HBEGF: variants seen among roughly 807,000 people sequenced by gnomAD.
HBEGF encodes the protein proheparin-binding EGF-like growth factor.
Under a neutral mutation model 19.5 loss-of-function variants are expected in HBEGF, and 8 were observed. The observed-to-expected ratio is 0.41, with a 90% CI of 0.24 to 0.74. The LOEUF (loss-of-function observed/expected upper bound fraction) is 0.74. Ranked by LOEUF, HBEGF falls within the 30% of genes least tolerant of loss-of-function variation. The pLI is 0.32. For missense variants in HBEGF, 207 were observed against 256.9 expected (o/e 0.81, Z 1.33); for synonymous variants, 97 against 108.9 (o/e 0.89, Z 0.68).
chr5:140,337,918 G>C (rs1561540078), intron 3 of HBEGF, among the ~76,000 whole-genome samples: 1 of 152,192 alleles, frequency 6.6e-6, no homozygotes, highest in Non-Finnish European at 1.5e-5. Context: ...TTATCTACTA[G>C]CTCAACTGAG....
chr5:140,334,109 T>C lies in HBEGF; in HGVS notation c.*190A>G, dbSNP rs1766193129. 1 of 153,568 alleles carries C rather than the reference T, an allele frequency of 6.5e-6. No homozygotes were observed. Among genetic ancestry groups the C allele is most frequent in the African/African-American group, 2.4e-5 (1 of 41,458 alleles). The allele number at this position is 153,568 out of a possible 1,614,324, so 9.5% of individuals were successfully genotyped here. A position where few individuals can be genotyped will look rare whatever the true frequency, so the allele number is the denominator to read the frequency against. On this transcript the variant is annotated 3_prime_UTR_variant, in exon 6 of 6. Transcript: ENST00000230990. ...CTTCTTACCCAGATACCATCGGACA[T>C]ACTCTGTTTGGCACTTGAAGGCTCT...
At chr5:140,336,129 C>T in intron 3 of HBEGF, 102 bp from the exon 4 acceptor site, 1 of 1,177,052 alleles carries the variant, frequency 8.5e-7, no homozygotes, top group Non-Finnish European at 1.2e-6. Flanking sequence ...TACCCTCAGC[C>T]TGTCAATCCC....
intron 3 of HBEGF, among the ~76,000 whole-genome samples, chr5:140,341,185 T>C (rs1766306179): frequency 6.6e-6 from 1 of 152,198 alleles, no homozygotes; most frequent in African/African-American, 2.4e-5. Context: ...TCAGGTTCTC[T>C]GGGTTTAGGT....
At chr5:140,338,687 G>A (rs1345268603) in intron 3 of HBEGF, among the ~76,000 whole-genome samples, 3 of 152,148 alleles carry the variant, frequency 2.0e-5, no homozygotes, top group African/African-American at 7.2e-5. Flanking sequence ...AGAGAAGGAG[G>A]GGGGATGAGT....
At position 140,346,077 on chromosome 5, in the gene HBEGF, C is replaced by G. The variant is rs1428397712; in HGVS notation, c.54G>C (p.Ser18=). ...CCAGGCTCTCGCCAGTCACCAGTGC[C>G]GAGAGAACTGCGGGCGAGAGGCCAG... ...VLKLFLAAVL[S]ALVTGESLER... is the part of the protein sequence containing the mutation. The change falls in exon 2 of 6, where the codon TCG becomes TCC. Residue 18 remains serine (S), a synonymous_variant. Coordinates refer to ENST00000230990, the MANE Select transcript of HBEGF (RefSeq NM_001945.3). The surrounding 1 kb of genome is among the most constrained non-coding windows in gnomAD (Gnocchi z 6.1). 1 of 1,612,034 alleles carries G rather than the reference C, an allele frequency of 6.2e-7. No individual in the cohort carries two copies. The highest frequency in any genetic ancestry group is 8.5e-7 in the Non-Finnish European group (1 of 1,178,924).
chr5:140,346,021 G>A lies in HBEGF; in HGVS notation c.110C>T (p.Thr37Ile). The change falls in exon 2 of 6, where the codon ACC (threonine) becomes ATC (isoleucine). Residue 37 changes from threonine to isoleucine, a missense_variant. Physicochemically the swap from Thr to Ile is moderately conservative, Grantham distance 89 (BLOSUM62 -1). This residue lies in a region of HBEGF where 127 missense variants were observed against 132.7 expected (regional missense o/e 0.96). Transcript: ENST00000230990. This position sits in a 1 kb window ranked among gnomAD's most constrained non-coding sequence, Gnocchi z 6.1. ...ERLRRGLAAGTSNPDPPTVST... is the reference protein window; with the variant it reads ...ERLRRGLAAGISNPDPPTVST... ...TACAGTGGGAGGGTCCGGGTTGCTG[G>A]TTCCAGCAGCTAGCCCTCTCCGAAG... is the stretch of plus-strand genomic sequence containing the variant. 1 of 1,614,106 alleles carries A rather than the reference G, an allele frequency of 6.2e-7. No individual in the cohort carries two copies.
intron 2 of HBEGF, among the ~76,000 whole-genome samples, chr5:140,345,297 A>G (rs1766378476): frequency 6.6e-6 from 1 of 152,170 alleles, no homozygotes; most frequent in Non-Finnish European, 1.5e-5. Flanking sequence ...CTCCTCAGGA[A>G]TGCAAGGTGC....
intron 3 of HBEGF, among the ~76,000 whole-genome samples, chr5:140,340,881 T>G (rs981588853): frequency 1.3e-5 from 2 of 152,346 alleles, no homozygotes; most frequent in South Asian, 4.1e-4. Flanking sequence ...TTCCAACTAC[T>G]TATTTAGCTA....
intron 4 of HBEGF, 132 bp from the exon 5 acceptor site, chr5:140,334,880 C>G (rs1766204033): frequency 1.3e-6 from 1 of 744,574 alleles, no homozygotes; most frequent in Non-Finnish European, 2.4e-6. Flanking sequence ...GTAGGGCAGC[C>G]CAAACTCTGG....
rs760234282 is a variant in HBEGF, at chr5:140,346,214, C to T, written c.46+69G>A. ...GCCCGTGCCGGGTGCGCTGCGGCGA[C>T]CTTCCCCCATGCCCCCAGCACAACG... On this transcript the variant is annotated intron_variant, in intron 1 of 5. Coordinates refer to ENST00000230990, the MANE Select transcript of HBEGF (RefSeq NM_001945.3). This position sits in a 1 kb window ranked among gnomAD's most constrained non-coding sequence, Gnocchi z 6.1. The T allele has an allele frequency of 1.3e-3, 2,030 of 1,560,470 alleles. 4 individuals carry two copies. Among genetic ancestry groups the T allele is most frequent in the Non-Finnish European group, 1.7e-3 (1,941 of 1,153,638 alleles).
chr5:140,335,557 C>A (rs1001543163), intron 4 of HBEGF, among the ~76,000 whole-genome samples: 1 of 152,028 alleles, frequency 6.6e-6, no homozygotes, highest in Admixed American at 6.6e-5. Flanking sequence ...CATACTAATG[C>A]CATCAAAGAA....
At position 140,342,821 on chromosome 5, in the gene HBEGF, G is replaced by C. The variant is rs574268332; in HGVS notation, c.221-9C>G. On this transcript the variant is annotated splice_polypyrimidine_tract_variant and intron_variant, in intron 2 of 5. Coordinates refer to ENST00000230990, the MANE Select transcript of HBEGF (RefSeq NM_001945.3). Reference sequence around the variant, plus strand: ...CTTGGAGGATAAAGTGACTGTAGGAGAAAAGCACTCTGTTAAAGTCTGACT... The same window carrying C: ...CTTGGAGGATAAAGTGACTGTAGGACAAAAGCACTCTGTTAAAGTCTGACT... 1 of 1,614,028 alleles carries C rather than the reference G, an allele frequency of 6.2e-7. No homozygotes were observed. The highest frequency in any genetic ancestry group is 1.3e-5 in the African/African-American group (1 of 75,044).
chr5:140,346,008 G>C lies in HBEGF; in HGVS notation c.123C>G (p.Asp41Glu). The part of the protein sequence containing the change: ...RGLAAGTSNP[D>E]PPTVSTDQLL... The stretch of plus-strand genomic sequence containing the variant: ...GCTGGTCCGTGGATACAGTGGGAGG[G>C]TCCGGGTTGCTGGTTCCAGCAGCTA... The change falls in exon 2 of 6, where the codon GAC becomes GAG. Residue 41 changes from aspartate to glutamate, a missense_variant. Transcript: ENST00000230990. This position sits in a 1 kb window ranked among gnomAD's most constrained non-coding sequence, Gnocchi z 6.1. 6.2e-7 allele frequency: 1 copy of C among 1,614,156 alleles called. No homozygotes were observed. Among genetic ancestry groups the C allele is most frequent in the Non-Finnish European group, 8.5e-7 (1 of 1,180,012 alleles).
At chr5:140,340,626 C>A (rs58992612) in intron 3 of HBEGF, among the ~76,000 whole-genome samples, 45,316 of 137,098 alleles carry the variant, frequency 0.33, 7,481 homozygotes, top group African/African-American at 0.43. Context: ...AAGAAAAGAA[C>A]AAAGAAAAAG....
Position 140,346,438 on chromosome 5 carries a change from C to A in HBEGF, c.-110G>T. 1 of 1,202,138 alleles carries A rather than the reference C, an allele frequency of 8.3e-7. No individual in the cohort carries two copies. 74.5% of individuals were successfully genotyped at this position (1,202,138 alleles called of 1,614,324 possible). A position where few individuals can be genotyped will look rare whatever the true frequency, so the allele number is the denominator to read the frequency against. ...GAGCTCAGGAGATTCCGCCGGGCAC[C>A]GTCTGCCGCCCGCCTCTGCGTGCAA... On this transcript the variant is annotated 5_prime_UTR_variant, in exon 1 of 6. Transcript: ENST00000230990. The surrounding 1 kb of genome is among the most constrained non-coding windows in gnomAD (Gnocchi z 6.1).
At chr5:140,335,646 G>A (rs1221288349) in intron 4 of HBEGF, among the ~76,000 whole-genome samples, 2 of 152,176 alleles carry the variant, frequency 1.3e-5, no homozygotes, top group African/African-American at 4.8e-5. Context: ...AAGAACTCCT[G>A]TGAGGAGCAG....
intron 3 of HBEGF, among the ~76,000 whole-genome samples, chr5:140,339,057 A>G (rs1228799421): frequency 6.6e-6 from 1 of 152,230 alleles, no homozygotes; most frequent in Non-Finnish European, 1.5e-5. Flanking sequence ...GAGTATTGTG[A>G]AAAGATAAAA....
At chr5:140,335,252 C>T (rs4150233) in intron 4 of HBEGF, 74,469 of 156,156 alleles carry the variant, frequency 0.48, 17,977 homozygotes, top group East Asian at 0.55. Flanking sequence ...GGTGTGGTGG[C>T]GGGTGCCTGT....
chr5:140,338,645 C>G (rs567958523), intron 3 of HBEGF, among the ~76,000 whole-genome samples: 1 of 152,324 alleles, frequency 6.6e-6, no homozygotes, highest in East Asian at 1.9e-4. Flanking sequence ...ACCTACCTCC[C>G]CCTCCCTTTG....
Sources: gnomAD v4.1 joint callset for allele counts (sites outside exome capture counted in the v4.1 genomes callset) on GRCh38, gnomAD v4.1.1 for gene constraint, gnomAD v4.1.1 regional missense constraint, Gnocchi (gnomAD v3.1) non-coding constraint, MANE v1.5 for transcripts, NCBI Gene and HGNC (gene_info 2026-07-23, HGNC 2026-07-21) for gene names.